Variants in SEL1L2 observed in about 807,000 individuals in gnomAD.
SEL1L2 encodes the protein SEL1L2 adaptor subunit of SYVN1 ubiquitin ligase, also known as protein sel-1 homolog 2.
SEL1L2 carries 89 observed loss-of-function variants against 98.8 expected under a neutral mutation model. The ratio of observed to expected loss-of-function variants is 0.90; its 90% CI spans 0.76 to 1.07. The LOEUF is 1.07. SEL1L2 is among the 50% of genes least tolerant of loss of function. The probability of loss-of-function intolerance (pLI) is 0.00; values close to 1 mark genes in which losing one functional copy is unlikely to be tolerated. For synonymous variants in SEL1L2, 262 were observed against 278.5 expected (o/e 0.94, Z 0.59); for missense variants, 788 against 812.0 (o/e 0.97, Z 0.36).
intron 18 of SEL1L2, among the ~76,000 whole-genome samples, chr20:13,857,974 C>G (rs1409792208): frequency 6.6e-6 from 1 of 152,172 alleles, no homozygotes; most frequent in Non-Finnish European, 1.5e-5. Flanking sequence ...ATTTAGCTAT[C>G]CATCCTGTCC....
chr20:13,983,045 A>AAAAAAAAAAAAAAAAAAC (rs1431339711), intron 1 of SEL1L2, among the ~76,000 whole-genome samples: 1 of 145,370 alleles, frequency 6.9e-6, no homozygotes, highest in Non-Finnish European at 1.5e-5. Context: ...AAAAAAAAAA[A>AAAAAAAAAAAAAAAAAAC]AAAGCAGCAG....
intron 1 of SEL1L2, among the ~76,000 whole-genome samples, chr20:13,961,157 T>G (rs1472469038): frequency 2.6e-5 from 4 of 152,174 alleles, no homozygotes; most frequent in African/African-American, 9.6e-5. Flanking sequence ...CAGAGTGGGA[T>G]TCAAATGCAG....
chr20:13,949,347 C>G (rs1445973258), intron 2 of SEL1L2, among the ~76,000 whole-genome samples: 3 of 152,178 alleles, frequency 2.0e-5, no homozygotes, highest in Admixed American at 6.5e-5. Context: ...CCACCTTACA[C>G]CCTATTCAAA....
chr20:13,871,134 T>C (rs2046173662), intron 12 of SEL1L2, among the ~76,000 whole-genome samples: 1 of 152,052 alleles, frequency 6.6e-6, no homozygotes, highest in Non-Finnish European at 1.5e-5. Context: ...CTACAGAGGT[T>C]GACGTAAATG....
chr20:13,936,677 A>G (rs533979402), intron 2 of SEL1L2, among the ~76,000 whole-genome samples: 1 of 152,086 alleles, frequency 6.6e-6, no homozygotes, highest in African/African-American at 2.4e-5. Context: ...TAGCCTTGGA[A>G]TTTTCAGGGA....
At chr20:13,892,915 A>G (rs1030810893) in intron 5 of SEL1L2, among the ~76,000 whole-genome samples, 2 of 152,212 alleles carry the variant, frequency 1.3e-5, no homozygotes, top group Non-Finnish European at 2.9e-5. Flanking sequence ...TGAAAGCAGA[A>G]CCAAGAGTTA....
chr20:13,992,156 C>A (rs1015519884), upstream of SEL1L2, among the ~76,000 whole-genome samples: 1 of 152,044 alleles, frequency 6.6e-6, no homozygotes, highest in African/African-American at 2.4e-5. Flanking sequence ...ATATGAAGAA[C>A]GAGAGTGAGT....
At chr20:13,907,298 C>T (rs1409809732) in intron 5 of SEL1L2, among the ~76,000 whole-genome samples, 1 of 152,008 alleles carries the variant, frequency 6.6e-6, no homozygotes, top group East Asian at 1.9e-4. Flanking sequence ...AAATAGGTGG[C>T]TCATGCCTGT....
intron 3 of SEL1L2, among the ~76,000 whole-genome samples, chr20:13,924,185 T>A (rs1303551023): frequency 6.6e-6 from 1 of 152,194 alleles, no homozygotes; most frequent in Non-Finnish European, 1.5e-5. Flanking sequence ...TTTTTGTGCA[T>A]CATGTTTTAA....
intron 6 of SEL1L2, among the ~76,000 whole-genome samples, 162 bp downstream of exon 6, chr20:13,888,297 T>C (rs996182484): frequency 6.6e-6 from 1 of 152,240 alleles, no homozygotes; most frequent in Admixed American, 6.5e-5. Context: ...CATGAGGCTT[T>C]AAGAAACTTA....
At chr20:13,950,238 G>T (rs369871246) in intron 2 of SEL1L2, among the ~76,000 whole-genome samples, 1 of 152,100 alleles carries the variant, frequency 6.6e-6, no homozygotes, top group African/African-American at 2.4e-5. Context: ...AAGATGGAGA[G>T]TCCTGGAGAT....
intron 1 of SEL1L2, among the ~76,000 whole-genome samples, chr20:13,983,709 C>T (rs2051993222): frequency 1.3e-5 from 2 of 151,710 alleles, no homozygotes; most frequent in South Asian, 2.1e-4. Flanking sequence ...TTAGTAGAGA[C>T]GGGGTTTCTC....
At chr20:13,914,509 T>A (rs2048323064) in intron 4 of SEL1L2, among the ~76,000 whole-genome samples, 1 of 152,210 alleles carries the variant, frequency 6.6e-6, no homozygotes. Context: ...AAAACCTTAA[T>A]GGCTAGGGCT....
intron 2 of SEL1L2, among the ~76,000 whole-genome samples, chr20:13,950,023 C>T (rs1681002793): frequency 1.3e-5 from 2 of 152,194 alleles, no homozygotes; most frequent in Admixed American, 6.5e-5. Flanking sequence ...GAAATTCTGA[C>T]ACATGTATAG....
intron 2 of SEL1L2, among the ~76,000 whole-genome samples, chr20:13,935,153 C>T (rs770156083): frequency 6.6e-6 from 1 of 152,178 alleles, no homozygotes; most frequent in Non-Finnish European, 1.5e-5. Context: ...TCCTGAACAA[C>T]AGCAGAACAC....
rs1199711570 is a variant in SEL1L2 at position 13,875,775 on chromosome 20, A to G, written c.1104+263T>C. Reference sequence around the variant, plus strand: ...TGCATAAGGGAGAGGGGAAAGCTGAACTTCTGTCTGGCTGAACTTCTGTCT... The same window carrying G: ...TGCATAAGGGAGAGGGGAAAGCTGAGCTTCTGTCTGGCTGAACTTCTGTCT... On this transcript the variant is annotated intron_variant, in intron 12 of 19. Transcript: ENST00000284951. Among the ~76,000 whole-genome samples, 8 of 152,070 alleles carry G rather than the reference A, an allele frequency of 5.3e-5. No homozygotes were observed. In the South Asian group the frequency reaches 6.3e-4, roughly 12 times the overall value.
intron 1 of SEL1L2, among the ~76,000 whole-genome samples, chr20:13,979,008 T>G (rs1363934296): frequency 1.3e-5 from 2 of 152,046 alleles, no homozygotes; most frequent in Non-Finnish European, 2.9e-5. Flanking sequence ...TGCAATGAGC[T>G]GCGATCATGC....
chr20:13,931,709 A>G lies in SEL1L2; in HGVS notation c.177T>C (p.Asn59=). 3 of 1,566,648 alleles carry G rather than the reference A, an allele frequency of 1.9e-6. No homozygotes were observed. The highest frequency in any genetic ancestry group is 2.6e-6 in the Non-Finnish European group (3 of 1,157,074). Reference sequence around the variant, plus strand: ...GGAGATTTTCTCTTTTATTGATTACATTACTAGATGTTCTTTGTTCCAATA... The same window carrying G: ...GGAGATTTTCTCTTTTATTGATTACGTTACTAGATGTTCTTTGTTCCAATA... The part of the protein sequence containing the change: ...SHILEQRTSS[N]VINKRENLLE... Residue 59 remains asparagine (N), a synonymous_variant, in exon 3 of 20, where the codon AAT becomes AAC. Transcript: ENST00000284951.
Position 13,849,427 on chromosome 20 carries a change from G to A in SEL1L2, c.*58C>T. 6.3e-7 allele frequency: 1 copy of A among 1,592,650 alleles called. No individual in the cohort carries two copies. Among genetic ancestry groups the A allele is most frequent in the Non-Finnish European group, 8.6e-7 (1 of 1,167,304 alleles). On this transcript the variant is annotated 3_prime_UTR_variant, in exon 20 of 20. Coordinates refer to ENST00000284951, the MANE Select transcript of SEL1L2 (RefSeq NM_025229.2). ...ATTTGGATGGGAAACTGTTTATTTA[G>A]TGGGGATACCTTGGAGTGAACTGAT...
Sources: allele counts gnomAD v4.1 joint callset (sites outside exome capture counted in the v4.1 genomes callset), GRCh38; gene constraint gnomAD v4.1.1; transcripts MANE v1.5; gene names NCBI Gene and HGNC (gene_info 2026-07-23, HGNC 2026-07-21).